Variants in GSE1 observed in about 807,000 individuals in gnomAD.
The protein encoded by GSE1 is Gse1 coiled-coil protein.
GSE1 carries 32 observed loss-of-function variants against 112.6 expected under a neutral mutation model. The ratio of observed to expected loss-of-function variants is 0.28; its 90% CI spans 0.21 to 0.38. The LOEUF is 0.38. Ranked by LOEUF, GSE1 falls within the 10% of genes least tolerant of loss-of-function variation. The pLI is 1.00. For synonymous variants in GSE1, 1,115 were observed against 735.6 expected (o/e 1.52, Z -8.35); for missense variants, 2,348 against 1,699.2 (o/e 1.38, Z -6.71).
rs963406705 is a variant in GSE1 at position 85,458,435 on chromosome 16, G to T, written c.2464+100792G>T. ...AAGGATGCACCCCAGGGCAGCCAGA[G>T]CTGAGCAGACACTGCCCTAGCAGGA... is the stretch of plus-strand genomic sequence containing the variant. On this transcript the variant is annotated intron_variant, in intron 2 of 2. Transcript: ENST00000637419. 2.0e-5 allele frequency among the ~76,000 whole-genome samples: 3 copies of T among 152,234 alleles called. 1 individual carries two copies. Among genetic ancestry groups the T allele is most frequent in the Non-Finnish European group, 2.9e-5 (2 of 68,026 alleles).
At chr16:85,569,475 G>A (rs888978536) in intron 1 of GSE1, among the ~76,000 whole-genome samples, 1 of 152,230 alleles carries the variant, frequency 6.6e-6, no homozygotes, top group African/African-American at 2.4e-5. Context: ...GGTGGTAAAT[G>A]TGGAGGATAA....
At chr16:85,484,183 C>G (rs1030935878) in intron 2 of GSE1, among the ~76,000 whole-genome samples, 3 of 152,298 alleles carry the variant, frequency 2.0e-5, no homozygotes, top group African/African-American at 7.2e-5. Flanking sequence ...AACAGTCTTC[C>G]AACTGGGACG....
intron 1 of GSE1, among the ~76,000 whole-genome samples, chr16:85,621,148 G>A (rs1321027561): frequency 1.3e-5 from 2 of 151,126 alleles, no homozygotes; most frequent in Non-Finnish European, 3.0e-5. Flanking sequence ...TGGGGAACCC[G>A]TTTAGATGGT....
chr16:85,651,293 C>T (rs2051331596), intron 3 of GSE1, among the ~76,000 whole-genome samples: 1 of 151,918 alleles, frequency 6.6e-6, no homozygotes, highest in Non-Finnish European at 1.5e-5. Flanking sequence ...ACTCCAGGCC[C>T]CGCTGACCTA....
At chr16:85,227,479 G>C (rs527661747) in intron 1 of GSE1, among the ~76,000 whole-genome samples, 1 of 152,356 alleles carries the variant, frequency 6.6e-6, no homozygotes, top group South Asian at 2.1e-4. Flanking sequence ...GACTGGGTGG[G>C]TGAGAGATAA....
At chr16:85,611,212 T>C (rs1466714663), upstream of GSE1, among the ~76,000 whole-genome samples, 1 of 152,042 alleles carries the variant, frequency 6.6e-6, no homozygotes, top group East Asian at 1.9e-4. Flanking sequence ...GTGAATTTTG[T>C]TTTTAAGGCT....
At chr16:85,267,435 C>T (rs138349068) in intron 1 of GSE1, among the ~76,000 whole-genome samples, 89 of 152,144 alleles carry the variant, frequency 5.8e-4, no homozygotes, top group African/African-American at 2.0e-3. Flanking sequence ...GAGGGGCTGG[C>T]AGGAAGGAAA....
intron 1 of GSE1, among the ~76,000 whole-genome samples, chr16:85,233,130 C>A (rs968579803): frequency 5.3e-5 from 8 of 152,282 alleles, no homozygotes; most frequent in African/African-American, 1.9e-4. Flanking sequence ...AATGCAGAGG[C>A]AGCTCCAGTC....
intron 1 of GSE1, among the ~76,000 whole-genome samples, chr16:85,233,755 C>T (rs867276989): frequency 5.9e-5 from 9 of 152,156 alleles, no homozygotes; most frequent in East Asian, 1.9e-4. Flanking sequence ...ATCCATCAGA[C>T]GCTCCTGGCA....
chr16:85,237,385 AG>A (rs1405171564), intron 1 of GSE1, among the ~76,000 whole-genome samples: 1 of 152,136 alleles, frequency 6.6e-6, no homozygotes, highest in Non-Finnish European at 1.5e-5. Flanking sequence ...TACACCTGGT[AG>A]AGGAGGTGTG....
chr16:85,525,412 T>C (rs955067090), intron 2 of GSE1, among the ~76,000 whole-genome samples: 6 of 152,186 alleles, frequency 3.9e-5, no homozygotes, highest in African/African-American at 1.4e-4. Flanking sequence ...CTCCCCAGCG[T>C]TGGGGAAATC....
chr16:85,293,248 A>G (rs564851667), intron 1 of GSE1, among the ~76,000 whole-genome samples: 12 of 152,268 alleles, frequency 7.9e-5, no homozygotes, highest in East Asian at 1.9e-4. Flanking sequence ...ACAAATCACC[A>G]CAAAAGTGGT....
chr16:85,310,726 G>A (rs78007796), intron 1 of GSE1, among the ~76,000 whole-genome samples: 1 of 152,010 alleles, frequency 6.6e-6, no homozygotes, highest in South Asian at 2.1e-4. Flanking sequence ...TGTGGAAGGG[G>A]AGCGCACCCA....
chr16:85,364,740 G>A (rs890723767), intron 2 of GSE1, among the ~76,000 whole-genome samples: 11 of 152,194 alleles, frequency 7.2e-5, no homozygotes, highest in South Asian at 2.1e-4. Flanking sequence ...CCCACTTCCC[G>A]TTGGCCTGGA....
chr16:85,471,102 G>A (rs1428992623), intron 2 of GSE1, among the ~76,000 whole-genome samples: 2 of 152,134 alleles, frequency 1.3e-5, no homozygotes, highest in Non-Finnish European at 2.9e-5. Context: ...GCCCAGCCAC[G>A]TGAGAGGTGC....
At chr16:85,461,574 A>C (rs2049969187) in intron 2 of GSE1, among the ~76,000 whole-genome samples, 2 of 152,000 alleles carry the variant, frequency 1.3e-5, no homozygotes, top group South Asian at 4.2e-4. Flanking sequence ...GGGGTTCGAG[A>C]CCCCCTGGTG....
chr16:85,386,731 C>T (rs1207838839), intron 2 of GSE1, among the ~76,000 whole-genome samples: 1 of 152,242 alleles, frequency 6.6e-6, no homozygotes, highest in Non-Finnish European at 1.5e-5. Context: ...GAAAGTCGAC[C>T]TCACTTAGTG....
chr16:85,661,549 A>T lies in GSE1; in HGVS notation c.2044A>T (p.Thr682Ser). ...CTTCCTGGCTGAGCTCGAGAAGTCC[A>T]CCCAGACCATCCTGGGCCAGCAGCG... ...GPFLAELEKS[T>S]QTILGQQRAS... Residue 682 changes from threonine (T) to serine (S), a missense_variant, in exon 9 of 16, where the codon ACC becomes TCC. Thr to Ser is a moderately conservative substitution (Grantham distance 58). Transcript: ENST00000253458. 6.2e-7 allele frequency: 1 copy of T among 1,611,750 alleles called. No individual in the cohort carries two copies. The highest frequency in any genetic ancestry group is 8.5e-7 in the Non-Finnish European group (1 of 1,179,622).
intron 2 of GSE1, among the ~76,000 whole-genome samples, chr16:85,647,688 G>C (rs2151865766): frequency 6.6e-6 from 1 of 152,286 alleles, no homozygotes; most frequent in East Asian, 1.9e-4. Context: ...CCGGGTTCAA[G>C]CGATTCTCCT....
Sources: gnomAD v4.1 joint callset for allele counts (sites outside exome capture counted in the v4.1 genomes callset) on GRCh38, gnomAD v4.1.1 for gene constraint, MANE v1.5 for transcripts, NCBI Gene and HGNC (gene_info 2026-07-23, HGNC 2026-07-21) for gene names.